The following MED13 variants were observed in gnomAD, a reference collection of about 807,000 sequenced individuals.
MED13 encodes the protein mediator complex subunit 13.
A neutral mutation model predicts 225.2 loss-of-function variants in MED13; 23 were observed. That is an observed-to-expected ratio of 0.10 (90% CI 0.07 to 0.14). MED13 has a LOEUF of 0.14. MED13 is among the 10% of genes least tolerant of loss of function. The pLI is 1.00. For synonymous variants in MED13, 942 were observed against 889.2 expected (o/e 1.06, Z -1.06); for missense variants, 2,197 against 2,594.5 (o/e 0.85, Z 3.33).
chr17:62,002,115 T>C (rs1197814477), intron 9 of MED13, among the ~76,000 whole-genome samples: 1 of 152,202 alleles, frequency 6.6e-6, no homozygotes, highest in South Asian at 2.1e-4. Context: ...AATTACTCTA[T>C]GACTAAAGAG....
Position 62,010,676 on chromosome 17 carries a change from G to A in MED13, c.1841C>T (p.Ala614Val). Residue 614 changes from alanine (A) to valine (V), a missense_variant, in exon 9 of 30, where the codon GCC becomes GTC. Physicochemically the swap from Ala to Val is moderately conservative, Grantham distance 64. Transcript: ENST00000397786. ...VNLEEDEANI[A>V]WKYYKFPKKK... is the part of the protein sequence containing the mutation. ...CTTTGGGAACTTGTAATACTTCCAG[G>A]CTATATTGGCTTCATCTTCTTCCAA... 1 of 1,532,548 alleles carries A rather than the reference G, an allele frequency of 6.5e-7. No individual in the cohort carries two copies. The highest frequency in any genetic ancestry group is 2.3e-5 in the East Asian group (1 of 43,838). The allele number at this position is 1,532,548 out of a possible 1,614,324, so 94.9% of individuals were successfully genotyped here.
intron 21 of MED13, 96 bp downstream of exon 21, chr17:61,962,656 G>T: frequency 9.9e-7 from 1 of 1,011,132 alleles, no homozygotes; most frequent in South Asian, 1.5e-5. Context: ...TTGGCTTTTA[G>T]ATAATCAATT....
intron 9 of MED13, 112 bp downstream of exon 9, chr17:62,010,438 T>G: frequency 3.1e-6 from 2 of 640,062 alleles, no homozygotes; most frequent in Non-Finnish European, 4.6e-6. Context: ...TAATACTCAA[T>G]GAATTTATTC....
intron 8 of MED13, among the ~76,000 whole-genome samples, chr17:62,013,686 A>G (rs555050960): frequency 6.6e-6 from 1 of 152,320 alleles, no homozygotes; most frequent in South Asian, 2.1e-4. Context: ...GGCAAGAAAG[A>G]GGTCAGAGAT....
intron 20 of MED13, among the ~76,000 whole-genome samples, chr17:61,964,152 A>G (rs1260094264): frequency 2.0e-5 from 3 of 152,258 alleles, no homozygotes; most frequent in Non-Finnish European, 4.4e-5. Flanking sequence ...ATTATGCCAC[A>G]GAAGACTCAA....
chr17:61,993,200 CTTT>C (rs964200883), intron 10 of MED13, among the ~76,000 whole-genome samples: 2 of 107,686 alleles, frequency 1.9e-5, no homozygotes, highest in Non-Finnish European at 1.7e-5. Flanking sequence ...TTCTTTCTTT[CTTT>C]TTTTTTTTTT....
At chr17:61,994,962 C>T (rs986305158) in intron 10 of MED13, among the ~76,000 whole-genome samples, 190 bp downstream of exon 10, 7 of 152,192 alleles carry the variant, frequency 4.6e-5, no homozygotes, top group East Asian at 3.9e-4. Flanking sequence ...CTGCCTGCCT[C>T]GGCCTCCCCA....
chr17:62,016,770 A>T (rs2080585901), intron 8 of MED13, among the ~76,000 whole-genome samples: 1 of 152,216 alleles, frequency 6.6e-6, no homozygotes, highest in Non-Finnish European at 1.5e-5. Context: ...GCACTTTGGG[A>T]GGCCAAGGCG....
chr17:62,040,695 C>T (rs2080845597), intron 3 of MED13, among the ~76,000 whole-genome samples: 1 of 152,022 alleles, frequency 6.6e-6, no homozygotes, highest in Non-Finnish European at 1.5e-5. Flanking sequence ...CTCTAAACAC[C>T]CTATCAACCA....
At chr17:62,054,452 A>C (rs959192318) in intron 2 of MED13, among the ~76,000 whole-genome samples, 1 of 152,246 alleles carries the variant, frequency 6.6e-6, no homozygotes, top group African/African-American at 2.4e-5. Flanking sequence ...ACATTCTATT[A>C]TATCAAAGAC....
intron 29 of MED13, 112 bp from the exon 30 acceptor site, chr17:61,946,712 CAGAG>C (rs899363330): frequency 7.4e-7 from 1 of 1,346,744 alleles, no homozygotes. Context: ...AAGAGTGTAA[CAGAG>C]AGTCCTTGAG....
At chr17:62,047,057 G>T (rs2143736150) in intron 3 of MED13, among the ~76,000 whole-genome samples, 1 of 151,306 alleles carries the variant, frequency 6.6e-6, no homozygotes, top group Non-Finnish European at 1.5e-5. Flanking sequence ...TAAAGAGACG[G>T]GGGTCTGCAG....
chr17:61,984,403 T>C, intron 14 of MED13, 36 bp from the exon 15 acceptor site: 2 of 1,434,398 alleles, frequency 1.4e-6, no homozygotes, highest in Non-Finnish European at 1.9e-6. Context: ...CAGTATCTTA[T>C]CTTCTAGGAG....
In MED13 at chr17:61,955,706, G is replaced by A. The variant is rs770097254; in HGVS notation, c.5756C>T (p.Pro1919Leu). Residue 1919 changes from proline to leucine, a missense_variant, in exon 25 of 30, where the codon CCG becomes CTG. By Grantham distance (98) the Pro-to-Leu change is moderately conservative (BLOSUM62 -3). Transcript: ENST00000397786. ...TGGCATAATAACAAAAGAGCCTTGC[G>A]GCTCCATTGCCACCAAGCAAGCACT... ...ILSACLVAME[P>L]QGSFVIMPDS... 16 of 1,605,732 alleles carry A rather than the reference G, an allele frequency of 1.0e-5. No homozygotes were observed. Among genetic ancestry groups the A allele is most frequent in the Admixed American group, 3.5e-5 (2 of 57,640 alleles).
At chr17:62,021,810 T>C (rs1258475975) in intron 8 of MED13, among the ~76,000 whole-genome samples, 1 of 152,150 alleles carries the variant, frequency 6.6e-6, no homozygotes, top group Non-Finnish European at 1.5e-5. Context: ...TACAACTCTT[T>C]ATCACATCAC....
chr17:62,062,266 A>T (rs2081044556), intron 2 of MED13, among the ~76,000 whole-genome samples: 1 of 152,234 alleles, frequency 6.6e-6, no homozygotes, highest in Non-Finnish European at 1.5e-5. Flanking sequence ...GATTCAGTTA[A>T]TACTGACTTT....
At chr17:61,956,573 C>T in intron 23 of MED13, 92 bp from the exon 24 acceptor site, 1 of 1,331,182 alleles carries the variant, frequency 7.5e-7, no homozygotes, top group East Asian at 2.4e-5. Context: ...CTCACTCTGT[C>T]ACCCAGGCTG....
intron 1 of MED13, among the ~76,000 whole-genome samples, chr17:62,064,153 C>T (rs562648754): frequency 6.6e-6 from 1 of 152,352 alleles, no homozygotes; most frequent in Non-Finnish European, 1.5e-5. Flanking sequence ...ACTTAACTCA[C>T]TTACCTATCA....
At chr17:62,049,457 A>G (rs1004298998) in intron 3 of MED13, among the ~76,000 whole-genome samples, 3 of 152,214 alleles carry the variant, frequency 2.0e-5, no homozygotes, top group Non-Finnish European at 4.4e-5. Flanking sequence ...ACTCTGCTCT[A>G]GTGTGAAAGC....
Sources: gnomAD v4.1 joint callset for allele counts (sites outside exome capture counted in the v4.1 genomes callset) on GRCh38, gnomAD v4.1.1 for gene constraint, MANE v1.5 for transcripts, NCBI Gene and HGNC (gene_info 2026-07-23, HGNC 2026-07-21) for gene names.